Variants in HLCS observed in about 807,000 individuals in gnomAD.
HLCS encodes the protein biotin--protein ligase.
In HLCS, 53 loss-of-function variants were observed where a neutral mutation model predicts 75.0. That is an observed-to-expected ratio of 0.71 (90% CI 0.57 to 0.89). The LOEUF (loss-of-function observed/expected upper bound fraction) is 0.89. Among genes scored for constraint, HLCS ranks in the 40% least tolerant of loss-of-function variants. The probability of loss-of-function intolerance (pLI) is 0.00; values close to 1 mark genes in which losing one functional copy is unlikely to be tolerated. For synonymous variants in HLCS, 431 were observed against 428.6 expected (o/e 1.01, Z -0.07); for missense variants, 966 against 1,074.0 (o/e 0.90, Z 1.41).
At chr21:36,848,426 C>T (rs750214135) in intron 6 of HLCS, among the ~76,000 whole-genome samples, 80 of 152,076 alleles carry the variant, frequency 5.3e-4, no homozygotes, top group Non-Finnish European at 9.9e-4. Context: ...CGCCCCACCA[C>T]GCCCAGCTAA....
chr21:36,905,196 G>T (rs184859742), intron 5 of HLCS, among the ~76,000 whole-genome samples: 1 of 152,056 alleles, frequency 6.6e-6, no homozygotes, highest in African/African-American at 2.4e-5. Flanking sequence ...TGCTCCCAAC[G>T]GTATCCATGG....
intron 6 of HLCS, among the ~76,000 whole-genome samples, chr21:36,777,674 TTAGA>T (rs1179994739): frequency 1.3e-5 from 2 of 152,196 alleles, no homozygotes; most frequent in Non-Finnish European, 2.9e-5. Flanking sequence ...GTCCCTCAAT[TTAGA>T]TAATCAGATA....
At chr21:36,761,801 C>A (rs1045978012) in intron 8 of HLCS, among the ~76,000 whole-genome samples, 5 of 152,250 alleles carry the variant, frequency 3.3e-5, no homozygotes, top group African/African-American at 1.2e-4. Flanking sequence ...CCCACATCCC[C>A]CTGTGCCCAC....
chr21:36,937,295 C>T lies in HLCS; in HGVS notation c.591G>A (p.Glu197=). ...ILEPKPEPSL[E]IKPEQDGMEH... ...CCATACCGTCCTGCTCAGGCTTAATCTCAAGAGAAGGTTCAGGCTTCGGCT... is the reference window on the plus strand; with the variant it reads ...CCATACCGTCCTGCTCAGGCTTAATTTCAAGAGAAGGTTCAGGCTTCGGCT... Residue 197 remains glutamate, a synonymous_variant, in exon 4 of 11, where the codon GAG becomes GAA. Transcript: ENST00000674895. 1 of 1,614,136 alleles carries T rather than the reference C, an allele frequency of 6.2e-7. No homozygotes were observed. The highest frequency in any genetic ancestry group is 8.5e-7 in the Non-Finnish European group (1 of 1,180,012).
At chr21:36,988,824 TTA>T (rs2069277187) in intron 1 of HLCS, among the ~76,000 whole-genome samples, 1 of 152,096 alleles carries the variant, frequency 6.6e-6, no homozygotes, top group Non-Finnish European at 1.5e-5. Context: ...AGGGCCAGTT[TTA>T]TGTCATTTTT....
chr21:36,828,654 G>C (rs552947456), intron 6 of HLCS, among the ~76,000 whole-genome samples: 37 of 152,056 alleles, frequency 2.4e-4, no homozygotes, highest in Non-Finnish European at 5.0e-4. Context: ...AAGTGGATAA[G>C]CAATTAAAGA....
At chr21:36,912,330 CAT>C (rs1340637544) in intron 5 of HLCS, among the ~76,000 whole-genome samples, 1 of 149,620 alleles carries the variant, frequency 6.7e-6, no homozygotes, top group African/African-American at 2.4e-5. Flanking sequence ...AGTTCTGATA[CAT>C]GTTATAACAT....
At chr21:36,852,680 A>C (rs923795179) in intron 6 of HLCS, among the ~76,000 whole-genome samples, 1 of 152,190 alleles carries the variant, frequency 6.6e-6, no homozygotes, top group Non-Finnish European at 1.5e-5. Context: ...AGAGGACCAG[A>C]TCCTTGGTAC....
intron 6 of HLCS, among the ~76,000 whole-genome samples, chr21:36,876,406 T>C (rs1257477074): frequency 2.6e-5 from 4 of 152,170 alleles, no homozygotes; most frequent in African/African-American, 7.2e-5. Flanking sequence ...CAAACTGGCA[T>C]TTTACCAGTA....
chr21:36,874,943 G>A (rs905299227), intron 6 of HLCS, among the ~76,000 whole-genome samples: 1 of 152,108 alleles, frequency 6.6e-6, no homozygotes, highest in Non-Finnish European at 1.5e-5. Context: ...CCCCGCTCCC[G>A]GCACCCACTT....
At chr21:36,928,081 T>C (rs1232119472) in intron 5 of HLCS, among the ~76,000 whole-genome samples, 1 of 152,228 alleles carries the variant, frequency 6.6e-6, no homozygotes, top group African/African-American at 2.4e-5. Flanking sequence ...CTATAAATAC[T>C]GACCCATAGC....
intron 2 of HLCS, among the ~76,000 whole-genome samples, chr21:36,949,753 G>C (rs936567570): frequency 3.3e-5 from 5 of 152,218 alleles, no homozygotes; most frequent in African/African-American, 9.6e-5. Context: ...GCACAAGAGA[G>C]ATGTAGAGAG....
chr21:36,951,441 C>T (rs896873134), intron 2 of HLCS, among the ~76,000 whole-genome samples: 1 of 152,192 alleles, frequency 6.6e-6, no homozygotes, highest in Non-Finnish European at 1.5e-5. Flanking sequence ...ACATCATCTA[C>T]CCTGGAAAGT....
At chr21:36,817,623 G>A (rs569184409) in intron 6 of HLCS, among the ~76,000 whole-genome samples, 1 of 152,314 alleles carries the variant, frequency 6.6e-6, no homozygotes, top group South Asian at 2.1e-4. Flanking sequence ...GAATAAAGGA[G>A]ACTGGAGTTC....
At chr21:36,935,591 ATCTACATCTG>A (rs2066843968) in intron 4 of HLCS, among the ~76,000 whole-genome samples, 1 of 152,224 alleles carries the variant, frequency 6.6e-6, no homozygotes, top group Non-Finnish European at 1.5e-5. Context: ...TGGACAAAAT[ATCTACATCTG>A]CGTAGTTTTC....
At chr21:36,759,940 T>C in intron 8 of HLCS, 99 bp from the exon 9 acceptor site, 1 of 794,926 alleles carries the variant, frequency 1.3e-6, no homozygotes, top group Non-Finnish European at 2.3e-6. Context: ...CAAGGTAACA[T>C]GGGCCTCGTC....
At chr21:36,877,695 A>G (rs989148933) in intron 6 of HLCS, among the ~76,000 whole-genome samples, 4 of 152,176 alleles carry the variant, frequency 2.6e-5, no homozygotes, top group Non-Finnish European at 5.9e-5. Context: ...TCCTTCCTAA[A>G]GACTCAAGTT....
At chr21:36,804,328 T>C (rs2145931110) in intron 6 of HLCS, 1 of 152,508 alleles carries the variant, frequency 6.6e-6, no homozygotes, top group South Asian at 2.1e-4. Flanking sequence ...TTCTGTTTTG[T>C]GGGTTCTTTG....
At chr21:36,772,777 G>A (rs2060247450) in intron 6 of HLCS, among the ~76,000 whole-genome samples, 1 of 152,090 alleles carries the variant, frequency 6.6e-6, no homozygotes, top group Admixed American at 6.6e-5. Flanking sequence ...GAGGTCAAGA[G>A]ATCGAGACCA....
Sources: allele counts gnomAD v4.1 joint callset (sites outside exome capture counted in the v4.1 genomes callset), GRCh38; gene constraint gnomAD v4.1.1; transcripts MANE v1.5; gene names NCBI Gene and HGNC (gene_info 2026-07-23, HGNC 2026-07-21).